DTL: variants seen among roughly 807,000 people sequenced by gnomAD.
DTL encodes denticleless E3 ubiquitin protein ligase adapter.
A neutral mutation model predicts 87.0 loss-of-function variants in DTL; 46 were observed. That is an observed-to-expected ratio of 0.53 (90% CI 0.42 to 0.68). The LOEUF is 0.68. Ranked by LOEUF, DTL falls within the 30% of genes least tolerant of loss-of-function variation. DTL has a pLI of 0.00. For missense variants in DTL, 737 were observed against 869.4 expected (o/e 0.85, Z 1.91); for synonymous variants, 308 against 311.2 (o/e 0.99, Z 0.11).
chr1:212,101,027 TC>T lies in DTL; in HGVS notation c.2039del (p.Pro680ArgfsTer27). On this transcript the variant is annotated frameshift_variant, in exon 14 of 15. Coordinates refer to ENST00000366991, the MANE Select transcript of DTL (RefSeq NM_016448.4). LOFTEE classifies it high-confidence loss of function. ...RKAENPSPRS[P>X]SSQTPNSRRQ... ...AGGCTGAGAATCCATCTCCACGAAG[TC>T]CGTCATCCCAGACACCCAATTCCAG... 1 of 1,613,824 alleles carries T rather than the reference TC, an allele frequency of 6.2e-7. No homozygotes were observed. The highest frequency in any genetic ancestry group is 8.5e-7 in the Non-Finnish European group (1 of 1,179,876).
intron 13 of DTL, among the ~76,000 whole-genome samples, chr1:212,084,282 T>C (rs888752484): frequency 1.3e-5 from 2 of 151,848 alleles, no homozygotes; most frequent in Non-Finnish European, 2.9e-5. Context: ...AGCTCACTTA[T>C]TCAAGCAATT....
At chr1:212,059,333 G>T (rs981937192) in intron 5 of DTL, among the ~76,000 whole-genome samples, 43 of 151,588 alleles carry the variant, frequency 2.8e-4, no homozygotes, top group Non-Finnish European at 4.6e-4. Flanking sequence ...GATCAAGTGG[G>T]ATTTATCCCA....
At chr1:212,101,917 T>C (rs1655635809) in intron 14 of DTL, among the ~76,000 whole-genome samples, 1 of 152,178 alleles carries the variant, frequency 6.6e-6, no homozygotes. Context: ...AAAGCTTCTG[T>C]TGTTTGCATG....
At chr1:212,072,052 C>A in intron 10 of DTL, 49 bp from the exon 11 acceptor site, 1 of 1,313,322 alleles carries the variant, frequency 7.6e-7, no homozygotes, top group African/African-American at 1.5e-5. Flanking sequence ...ATCCATTTGA[C>A]CACTAGAAAT....
intron 5 of DTL, among the ~76,000 whole-genome samples, chr1:212,060,269 A>T (rs1349789662): frequency 6.6e-6 from 1 of 152,214 alleles, no homozygotes; most frequent in Non-Finnish European, 1.5e-5. Flanking sequence ...GCATGGCATA[A>T]AAACAGACAC....
chr1:212,063,250 T>G (rs1299053344), intron 6 of DTL, among the ~76,000 whole-genome samples: 2 of 151,876 alleles, frequency 1.3e-5, no homozygotes, highest in African/African-American at 4.8e-5. Context: ...CACTGGTAAA[T>G]GTCTTTATTT....
chr1:212,073,435 C>T (rs1654735148), intron 11 of DTL, among the ~76,000 whole-genome samples: 1 of 152,196 alleles, frequency 6.6e-6, no homozygotes, highest in South Asian at 2.1e-4. Context: ...AGTATCAAAT[C>T]CCTTCTCAAG....
At chr1:212,095,679 T>C (rs1655425210) in intron 13 of DTL, among the ~76,000 whole-genome samples, 1 of 152,238 alleles carries the variant, frequency 6.6e-6, no homozygotes, top group Non-Finnish European at 1.5e-5. Context: ...ATCACATGTA[T>C]TGACTTGTGT....
intron 5 of DTL, among the ~76,000 whole-genome samples, chr1:212,057,239 A>G (rs1668204543): frequency 1.3e-5 from 2 of 152,074 alleles, no homozygotes; most frequent in African/African-American, 4.8e-5. Context: ...GAAAATTCTA[A>G]AAGCAGAGAA....
intron 11 of DTL, among the ~76,000 whole-genome samples, chr1:212,076,230 T>C (rs760295154): frequency 2.6e-5 from 4 of 152,180 alleles, no homozygotes; most frequent in Non-Finnish European, 5.9e-5. Context: ...AGGAACAGAA[T>C]TCGATTCCTA....
At chr1:212,040,643 T>A (rs572192023) in intron 1 of DTL, among the ~76,000 whole-genome samples, 3 of 152,322 alleles carry the variant, frequency 2.0e-5, no homozygotes, top group Admixed American at 6.5e-5. Flanking sequence ...CACTGTGATA[T>A]AACATTAGGC....
At chr1:212,100,106 G>T in intron 13 of DTL, 146 bp from the exon 14 acceptor site, 1 of 529,380 alleles carries the variant, frequency 1.9e-6, no homozygotes, top group East Asian at 3.1e-5. Flanking sequence ...TGATAAAAGG[G>T]TGTGGTTGGA....
At chr1:212,036,568 A>G (rs1667471186) in intron 1 of DTL, among the ~76,000 whole-genome samples, 2 of 152,258 alleles carry the variant, frequency 1.3e-5, no homozygotes, top group South Asian at 4.1e-4. Context: ...TTTCGACGCT[A>G]GAGGTAATAC....
At chr1:212,051,253 C>T (rs1214713587) in intron 5 of DTL, among the ~76,000 whole-genome samples, 1 of 151,990 alleles carries the variant, frequency 6.6e-6, no homozygotes, top group Non-Finnish European at 1.5e-5. Context: ...CAATTCCTCC[C>T]TGAACTCATG....
At chr1:212,069,109 T>C (rs1654595337) in intron 10 of DTL, among the ~76,000 whole-genome samples, 1 of 152,144 alleles carries the variant, frequency 6.6e-6, no homozygotes, top group African/African-American at 2.4e-5. Flanking sequence ...CTCAGCCTTC[T>C]CCTTAATGTT....
intron 13 of DTL, among the ~76,000 whole-genome samples, chr1:212,099,219 T>TG (rs1655539062): frequency 6.7e-6 from 1 of 149,870 alleles, no homozygotes; most frequent in African/African-American, 2.5e-5. Context: ...CTCACACTGT[T>TG]TTTTGTTTGT....
At chr1:212,083,925 TTC>T (rs1655054954) in intron 13 of DTL, among the ~76,000 whole-genome samples, 2 of 152,230 alleles carry the variant, frequency 1.3e-5, no homozygotes, top group South Asian at 4.1e-4. Context: ...TACTCTTATA[TTC>T]TCTCAGTGAC....
In DTL at chr1:212,100,607, C is replaced by A. The variant is rs755158718; in HGVS notation, c.1617C>A (p.Ser539=). The change falls in exon 14 of 15, where the codon TCC becomes TCA. Residue 539 remains serine (S), a synonymous_variant. Transcript: ENST00000366991. ...KALIPVSQKS[S]QAEACSESRN... Reference sequence around the variant, plus strand: ...TTATTCCTGTGAGCCAGAAGTCATCCCAAGCAGAGGCTTGCTCTGAGTCTA... The same window carrying A: ...TTATTCCTGTGAGCCAGAAGTCATCACAAGCAGAGGCTTGCTCTGAGTCTA... 2 of 1,613,952 alleles carry A rather than the reference C, an allele frequency of 1.2e-6. No individual in the cohort carries two copies. Among genetic ancestry groups the A allele is most frequent in the Admixed American group, 3.3e-5 (2 of 60,004 alleles).
Position 212,100,292 on chromosome 1 carries a change from C to T in DTL, c.1302C>T (p.Pro434=), listed in dbSNP as rs769657799. 8 of 1,598,148 alleles carry T rather than the reference C, an allele frequency of 5.0e-6. No homozygotes were observed. The Admixed American group carries it at 1.4e-4, about 28-fold the overall frequency. ...GCCAGAGTACTCCTGCCAAAGCCCC[C>T]AGGGCAAAGTGCAATCCATCCAATT... is the stretch of plus-strand genomic sequence containing the variant. ...TSSQSTPAKA[P]RAKCNPSNSS... Residue 434 remains proline, a synonymous_variant, in exon 14 of 15, where the codon CCC becomes CCT. Coordinates refer to ENST00000366991, the MANE Select transcript of DTL (RefSeq NM_016448.4).
Sources: gnomAD v4.1 joint callset for allele counts (sites outside exome capture counted in the v4.1 genomes callset) on GRCh38, gnomAD v4.1.1 for gene constraint, MANE v1.5 for transcripts, NCBI Gene and HGNC (gene_info 2026-07-23, HGNC 2026-07-21) for gene names.